STK32B: variants seen among roughly 807,000 people sequenced by gnomAD.
STK32B encodes serine/threonine kinase 32B.
STK32B carries 43 observed loss-of-function variants against 52.6 expected under a neutral mutation model. The observed-to-expected ratio is 0.82, with a 90% CI of 0.64 to 1.05. STK32B has a LOEUF of 1.05. Among genes scored for constraint, STK32B ranks in the 50% least tolerant of loss-of-function variants. The pLI, the probability that STK32B is intolerant of heterozygous loss-of-function variation, is 0.00. For missense variants in STK32B, 621 were observed against 534.6 expected (o/e 1.16, Z -1.59); for synonymous variants, 238 against 204.3 (o/e 1.17, Z -1.41).
chr4:5,133,108 A>G (rs912980285), intron 1 of STK32B, among the ~76,000 whole-genome samples: 1 of 152,092 alleles, frequency 6.6e-6, no homozygotes, highest in South Asian at 2.1e-4. Flanking sequence ...AGAATTTACC[A>G]CTTTCTGCCA....
rs189403208 is a variant in STK32B at position 5,230,331 on chromosome 4, A to G, written c.260+61881A>G. Among the ~76,000 whole-genome samples the G allele has an allele frequency of 6.4e-3, 977 of 151,836 alleles. 9 individuals are homozygous for G. Among genetic ancestry groups the G allele is most frequent in the Non-Finnish European group, 9.1e-3 (621 of 67,956 alleles). On this transcript the variant is annotated intron_variant, in intron 3 of 11. Coordinates refer to ENST00000282908, the MANE Select transcript of STK32B (RefSeq NM_018401.3). The stretch of plus-strand genomic sequence containing the variant: ...CAGCCTCCAGAGTAGCTGGGACTAC[A>G]GGCGCCTGCCACCACGCTTGGTTAG...
intron 3 of STK32B, among the ~76,000 whole-genome samples, chr4:5,309,898 G>T (rs1287221211): frequency 6.6e-6 from 1 of 152,196 alleles, no homozygotes; most frequent in Non-Finnish European, 1.5e-5. Flanking sequence ...GGGTGTGGTA[G>T]CTCATGCTTG....
chr4:5,140,206 T>C, intron 2 of STK32B: 3 of 1,493,102 alleles, frequency 2.0e-6, no homozygotes. Flanking sequence ...GGATTGCCAA[T>C]GCCGTTTGTT....
intron 1 of STK32B, among the ~76,000 whole-genome samples, chr4:5,054,166 C>T (rs959317902): frequency 2.0e-5 from 3 of 152,072 alleles, no homozygotes; most frequent in African/African-American, 7.2e-5. Flanking sequence ...TAGGCATTTA[C>T]TATTTGTATT....
intron 11 of STK32B, among the ~76,000 whole-genome samples, chr4:5,485,848 T>G (rs941550339): frequency 1.3e-5 from 2 of 152,122 alleles, no homozygotes; most frequent in Admixed American, 1.3e-4. Flanking sequence ...TTGCTGGAGG[T>G]CCACTCCAGA....
chr4:5,423,836 G>T (rs77201081), intron 6 of STK32B, among the ~76,000 whole-genome samples: 1 of 152,152 alleles, frequency 6.6e-6, no homozygotes, highest in African/African-American at 2.4e-5. Context: ...TGCAGGAGGC[G>T]CAGCCAGGGC....
Position 5,416,887 on chromosome 4 carries a change from A to G in STK32B, c.515A>G (p.Lys172Arg), listed in dbSNP as rs768281954. The G allele has an allele frequency of 3.1e-6, 5 of 1,613,816 alleles. No homozygotes were observed. Among genetic ancestry groups the G allele is most frequent in the Admixed American group, 1.7e-5 (1 of 59,982 alleles). ...GACTTCAACATAGCGACGGTAGTGAAAGGAGCAGAAAGGGCTTCCTCCATG... is the reference window on the plus strand; with the variant it reads ...GACTTCAACATAGCGACGGTAGTGAGAGGAGCAGAAAGGGCTTCCTCCATG... ...ITDFNIATVV[K>R]GAERASSMAG... Residue 172 changes from lysine to arginine, a missense_variant, in exon 6 of 12, where the codon AAA becomes AGA. Coordinates refer to ENST00000282908, the MANE Select transcript of STK32B (RefSeq NM_018401.3).
chr4:5,303,418 C>G (rs568748138), intron 3 of STK32B, among the ~76,000 whole-genome samples: 1 of 151,980 alleles, frequency 6.6e-6, no homozygotes, highest in Non-Finnish European at 1.5e-5. Context: ...TTTATTTACA[C>G]TTCTGTGATA....
chr4:5,050,465 C>T (rs899880377), upstream of STK32B, among the ~76,000 whole-genome samples: 1 of 152,122 alleles, frequency 6.6e-6, no homozygotes, highest in Non-Finnish European at 1.5e-5. Flanking sequence ...CGGCTTCCCT[C>T]ACCCTTCTCC....
chr4:5,090,695 G>A (rs4261921), intron 1 of STK32B, among the ~76,000 whole-genome samples: 1 of 152,004 alleles, frequency 6.6e-6, no homozygotes, highest in African/African-American at 2.4e-5. Context: ...TTTGTATAAG[G>A]TGTAAGGAAG....
chr4:5,249,087 AT>A (rs560374278), intron 3 of STK32B, among the ~76,000 whole-genome samples: 9,438 of 152,098 alleles, frequency 0.062, 446 homozygotes, highest in African/African-American at 0.14. Context: ...TAATAAAAAA[AT>A]AAAATAAAGA....
At chr4:5,186,116 C>G (rs934007253) in intron 3 of STK32B, among the ~76,000 whole-genome samples, 3 of 152,194 alleles carry the variant, frequency 2.0e-5, no homozygotes, top group Admixed American at 6.5e-5. Context: ...GTTCCAATTT[C>G]TAAGGGTGCA....
chr4:5,476,550 A>C (rs965647552), intron 11 of STK32B, among the ~76,000 whole-genome samples: 1 of 151,824 alleles, frequency 6.6e-6, no homozygotes, highest in African/African-American at 2.4e-5. Context: ...GCTATCACAC[A>C]CCCTGGCTTC....
chr4:5,226,771 A>C lies in STK32B; in HGVS notation c.260+58321A>C, dbSNP rs535777692. ...AATCTCTTACTGGTTCTAATTTATA[A>C]TGTACACTTTACCAGAGGTGTGTGT... is the stretch of plus-strand genomic sequence containing the variant. On this transcript the variant is annotated intron_variant, in intron 3 of 11. Transcript: ENST00000282908. 2.3e-3 allele frequency among the ~76,000 whole-genome samples: 344 copies of C among 152,318 alleles called. 3 individuals are homozygous for C. The highest frequency in any genetic ancestry group is 7.3e-3 in the African/African-American group (303 of 41,568).
At chr4:5,391,971 C>T (rs1035162701) in intron 4 of STK32B, among the ~76,000 whole-genome samples, 3 of 152,108 alleles carry the variant, frequency 2.0e-5, no homozygotes, top group Admixed American at 6.5e-5. Context: ...AGTCTCGCAC[C>T]AGCACCATAG....
intron 1 of STK32B, among the ~76,000 whole-genome samples, chr4:5,132,498 AG>A (rs962709143): frequency 6.6e-6 from 1 of 152,190 alleles, no homozygotes; most frequent in African/African-American, 2.4e-5. Context: ...AATAAATAAA[AG>A]GGGATGCATA....
chr4:5,161,608 C>T (rs1718452133), intron 2 of STK32B, among the ~76,000 whole-genome samples: 1 of 152,130 alleles, frequency 6.6e-6, no homozygotes, highest in Admixed American at 6.5e-5. Context: ...CTAACATCTC[C>T]TTGGCTAGAA....
intron 6 of STK32B, among the ~76,000 whole-genome samples, chr4:5,429,461 T>G (rs1358162767): frequency 6.6e-6 from 1 of 152,112 alleles, no homozygotes; most frequent in Non-Finnish European, 1.5e-5. Context: ...AAAAACAATA[T>G]ACATCTTCAA....
intron 3 of STK32B, among the ~76,000 whole-genome samples, chr4:5,285,742 A>C (rs1023228546): frequency 1.3e-5 from 2 of 152,238 alleles, no homozygotes; most frequent in African/African-American, 4.8e-5. Context: ...AATGGTAAGT[A>C]GCACACAATT....
Sources: allele counts gnomAD v4.1 joint callset (sites outside exome capture counted in the v4.1 genomes callset), GRCh38; gene constraint gnomAD v4.1.1; transcripts MANE v1.5; gene names NCBI Gene and HGNC (gene_info 2026-07-23, HGNC 2026-07-21).